Variants in ADCY7 observed in about 807,000 individuals in gnomAD.
ADCY7 encodes adenylate cyclase type 7.
A neutral mutation model predicts 120.6 loss-of-function variants in ADCY7; 72 were observed. The ratio of observed to expected loss-of-function variants is 0.60; its 90% CI spans 0.49 to 0.73. The LOEUF (loss-of-function observed/expected upper bound fraction) is 0.73. Among genes scored for constraint, ADCY7 ranks in the 30% least tolerant of loss-of-function variants. ADCY7 has a pLI of 0.00. For synonymous variants in ADCY7, 661 were observed against 628.0 expected (o/e 1.05, Z -0.78); for missense variants, 1,227 against 1,486.0 (o/e 0.83, Z 2.87).
At chr16:50,301,358 T>G in intron 10 of ADCY7, 144 bp downstream of exon 10, 3 of 1,123,904 alleles carry the variant, frequency 2.7e-6, no homozygotes, top group Non-Finnish European at 3.7e-6. Context: ...GAGCTCCCTG[T>G]TCCCAGGCAC....
In ADCY7 at chr16:50,297,669, T is replaced by A. The variant is rs979101896; in HGVS notation, c.949-1235T>A. ...ACCTGGAGGCAGGGCTGGTGCTGTG[T>A]CTGGGGCCTGGGTCTGTGATGGCTG... On this transcript the variant is annotated intron_variant, in intron 7 of 25. Transcript: ENST00000673801. This position sits in a 1 kb window ranked among gnomAD's most constrained non-coding sequence, Gnocchi z 4.4. 1.3e-5 allele frequency among the ~76,000 whole-genome samples: 2 copies of A among 152,166 alleles called. No individual in the cohort carries two copies. The highest frequency in any genetic ancestry group is 1.3e-4 in the Admixed American group (2 of 15,276).
At chr16:50,272,806 C>A (rs1279833181) in intron 1 of ADCY7, among the ~76,000 whole-genome samples, 2 of 152,152 alleles carry the variant, frequency 1.3e-5, no homozygotes, top group African/African-American at 4.8e-5. Flanking sequence ...CCTGGGCCCC[C>A]AGGCCTGTCT....
Position 50,313,025 on chromosome 16 carries a change from G to A in ADCY7, c.2740G>A (p.Asp914Asn), listed in dbSNP as rs746905825. The A allele has an allele frequency of 4.3e-6, 7 of 1,614,050 alleles. No homozygotes were observed. The Admixed American group carries it at 8.3e-5, about 19-fold the overall frequency. ...CLRLLNEIIADFDELLLKPKF... is the reference protein window; with the variant it reads ...CLRLLNEIIANFDELLLKPKF... ...ACGCCTGCTCAATGAGATCATTGCC[G>A]ACTTCGACGAGGTACAGCCTCTAGC... Residue 914 changes from aspartate to asparagine, a missense_variant, in exon 22 of 26, where the codon GAC becomes AAC. Asp to Asn is a conservative substitution (Grantham distance 23, BLOSUM62 1). Coordinates refer to ENST00000673801, the MANE Select transcript of ADCY7 (RefSeq NM_001114.5).
chr16:50,285,961 A>G (rs754477624), intron 1 of ADCY7, among the ~76,000 whole-genome samples: 2 of 152,090 alleles, frequency 1.3e-5, no homozygotes, highest in Non-Finnish European at 2.9e-5. Flanking sequence ...AGGAACCCAT[A>G]TGGGCTGAGC....
chr16:50,307,868 C>T (rs555886683), intron 15 of ADCY7, among the ~76,000 whole-genome samples: 51 of 152,022 alleles, frequency 3.4e-4, no homozygotes, highest in East Asian at 5.8e-4. Flanking sequence ...TGGTGGCTGG[C>T]GCCTGTAATC....
rs1368079895 is a variant in ADCY7 at position 50,317,849 on chromosome 16, G to C, written c.*2344G>C. On this transcript the variant is annotated 3_prime_UTR_variant, in exon 26 of 26. Transcript: ENST00000673801. Reference sequence around the variant, plus strand: ...TACAATTTCTCCTGAGTTAACTTTTGTGAAAATAATACCTAAGGTTTTCTG... The same window carrying C: ...TACAATTTCTCCTGAGTTAACTTTTCTGAAAATAATACCTAAGGTTTTCTG... 1 of 152,188 alleles carries C rather than the reference G, an allele frequency of 6.6e-6. No homozygotes were observed. Among genetic ancestry groups the C allele is most frequent in the African/African-American group, 2.4e-5 (1 of 41,396 alleles). The allele number at this position is 152,188 out of a possible 1,614,324, so 9.4% of individuals were successfully genotyped here.
chr16:50,252,180 G>A (rs2032777765), intron 1 of ADCY7, among the ~76,000 whole-genome samples: 1 of 152,162 alleles, frequency 6.6e-6, no homozygotes, highest in African/African-American at 2.4e-5. Flanking sequence ...CTTTCTCTGT[G>A]CCGAGCCTCT....
chr16:50,261,028 C>T (rs2033044828), intron 1 of ADCY7, among the ~76,000 whole-genome samples: 1 of 152,160 alleles, frequency 6.6e-6, no homozygotes, highest in African/African-American at 2.4e-5. Flanking sequence ...CCCAGTGGCT[C>T]GTAGCTCACA....
At chr16:50,269,776 C>T (rs777654405) in intron 1 of ADCY7, among the ~76,000 whole-genome samples, 22 of 152,172 alleles carry the variant, frequency 1.4e-4, no homozygotes, top group Non-Finnish European at 2.5e-4. Context: ...CGCTTAACTC[C>T]GCTGGAGAAA....
rs1347763754 is a variant in ADCY7, at chr16:50,305,532, A to C, written c.1625A>C (p.Asp542Ala). ...ATGTCCCCCAAGGGGCGGTCGGAGG[A>C]TGACTCGTACGATGACGAGATGCTG... is the stretch of plus-strand genomic sequence containing the variant. ...RSMSPKGRSE[D>A]DSYDDEMLSA... Residue 542 changes from aspartate to alanine, a missense_variant, in exon 13 of 26, where the codon GAT becomes GCT. Physicochemically the swap from Asp to Ala is moderately radical, Grantham distance 126. This residue lies in a region of ADCY7 where 332 missense variants were observed against 455.8 expected (regional missense o/e 0.73). Coordinates refer to ENST00000673801, the MANE Select transcript of ADCY7 (RefSeq NM_001114.5). The C allele has an allele frequency of 6.2e-7, 1 of 1,611,136 alleles. No homozygotes were observed. Among genetic ancestry groups the C allele is most frequent in the Non-Finnish European group, 8.5e-7 (1 of 1,178,574 alleles).
chr16:50,251,730 C>G (rs1257361346), intron 1 of ADCY7, among the ~76,000 whole-genome samples: 1 of 152,196 alleles, frequency 6.6e-6, no homozygotes, highest in African/African-American at 2.4e-5. Context: ...TCCAGTGTGC[C>G]CCAGTCCCCA....
chr16:50,271,453 A>ACAGCC (rs2150839147), intron 1 of ADCY7, among the ~76,000 whole-genome samples: 1 of 152,224 alleles, frequency 6.6e-6, no homozygotes, highest in East Asian at 1.9e-4. Context: ...TGAGCACAGC[A>ACAGCC]CAGCCCAGTG....
intron 6 of ADCY7, 142 bp from the exon 7 acceptor site, chr16:50,294,498 C>A: frequency 1.7e-6 from 1 of 598,498 alleles, no homozygotes; most frequent in Non-Finnish European, 3.0e-6. Context: ...ACTCTCCCAT[C>A]CCTATGGAGG....
At position 50,302,799 on chromosome 16, in the gene ADCY7, C is replaced by T. The variant is rs373887450; in HGVS notation, c.1369-1561C>T. On this transcript the variant is annotated intron_variant, in intron 10 of 25. Coordinates refer to ENST00000673801, the MANE Select transcript of ADCY7 (RefSeq NM_001114.5). ...GTGGCAGTGGCGGGCCCCATGGTCG[C>T]GCACCCTGCATTTTTCCTACCTTGG... Among the ~76,000 whole-genome samples the T allele has an allele frequency of 3.0e-3, 459 of 152,264 alleles. 6 individuals carry two copies. The highest frequency in any genetic ancestry group is 0.01 in the African/African-American group (431 of 41,526).
chr16:50,313,288 C>T (rs1032198080), intron 22 of ADCY7: 20 of 373,556 alleles, frequency 5.4e-5, no homozygotes, highest in Non-Finnish European at 1.0e-4. Flanking sequence ...GGGCTTGGGG[C>T]GCACACCTGT....
chr16:50,298,779 C>A, intron 7 of ADCY7, 125 bp from the exon 8 acceptor site: 1 of 1,385,758 alleles, frequency 7.2e-7, no homozygotes, highest in Non-Finnish European at 9.7e-7. Flanking sequence ...GGTGACTGGA[C>A]CCCAGGAGGC....
upstream of ADCY7, among the ~76,000 whole-genome samples, chr16:50,245,555 A>T (rs796699219): frequency 5.9e-5 from 9 of 152,268 alleles, no homozygotes; most frequent in African/African-American, 2.2e-4. Flanking sequence ...TGCAGGGATC[A>T]CAACGAGGTT....
rs77603243 is a variant in ADCY7 at position 50,305,845 on chromosome 16, G to A, written c.1748G>A (p.Arg583His). Residue 583 changes from arginine (R) to histidine (H), a missense_variant, in exon 14 of 26, where the codon CGC becomes CAC. Transcript: ENST00000673801. Reference protein sequence around the residue: ...GSIFLEKGFEREYRLAPIPRA... With the variant: ...GSIFLEKGFEHEYRLAPIPRA... ...ATCTTCCTGGAGAAGGGCTTTGAGCGCGAGGTGAGGGCCCCCAGCAGCCTC... is the reference window on the plus strand; with the variant it reads ...ATCTTCCTGGAGAAGGGCTTTGAGCACGAGGTGAGGGCCCCCAGCAGCCTC... 135 of 1,613,700 alleles carry A rather than the reference G, an allele frequency of 8.4e-5. No individual in the cohort carries two copies. Among genetic ancestry groups the A allele is most frequent in the Middle Eastern group, 6.6e-4 (4 of 6,060 alleles).
chr16:50,287,849 T>A, intron 1 of ADCY7, 63 bp from the exon 2 acceptor site: 1 of 303,996 alleles, frequency 3.3e-6, no homozygotes. Flanking sequence ...CCGCTCTCCC[T>A]GATGCTAGCC....
Sources: allele counts gnomAD v4.1 joint callset (sites outside exome capture counted in the v4.1 genomes callset), GRCh38; gene constraint gnomAD v4.1.1; regional missense constraint gnomAD v4.1.1; non-coding constraint Gnocchi (gnomAD v3.1); transcripts MANE v1.5; gene names NCBI Gene and HGNC (gene_info 2026-07-23, HGNC 2026-07-21).